The following PPARG variants were observed in gnomAD, a reference collection of about 807,000 sequenced individuals.
The protein encoded by PPARG is peroxisome proliferator activated receptor gamma.
PPARG carries 17 observed loss-of-function variants against 39.2 expected under a neutral mutation model. That is an observed-to-expected ratio of 0.43 (90% CI 0.30 to 0.65). The LOEUF (loss-of-function observed/expected upper bound fraction) is 0.65. Ranked by LOEUF, PPARG falls within the 30% of genes least tolerant of loss-of-function variation. The pLI, the probability that PPARG is intolerant of heterozygous loss-of-function variation, is 0.13. For missense variants in PPARG, 406 were observed against 585.9 expected (o/e 0.69, Z 3.17); for synonymous variants, 223 against 215.7 (o/e 1.03, Z -0.30).
At chr3:12,366,375 A>G (rs918651763) in intron 2 of PPARG, among the ~76,000 whole-genome samples, 2 of 151,454 alleles carry the variant, frequency 1.3e-5, no homozygotes, top group African/African-American at 4.9e-5. Flanking sequence ...TGTAGAAGTC[A>G]TGTCATTTGC....
At chr3:12,428,221 G>A (rs969355763) in intron 7 of PPARG, among the ~76,000 whole-genome samples, 1 of 152,244 alleles carries the variant, frequency 6.6e-6, no homozygotes, top group African/African-American at 2.4e-5. Flanking sequence ...ATCTGGACGA[G>A]ATGGAAGCTT....
chr3:12,319,378 A>G (rs552513383), intron 2 of PPARG, among the ~76,000 whole-genome samples: 6 of 150,478 alleles, frequency 4.0e-5, no homozygotes, highest in South Asian at 4.2e-4. Flanking sequence ...GAGCTTTGCA[A>G]TCATTTTGTA....
chr3:12,367,685 C>T (rs76158099), intron 2 of PPARG, among the ~76,000 whole-genome samples: 1 of 121,630 alleles, frequency 8.2e-6, no homozygotes, highest in Admixed American at 8.3e-5. Flanking sequence ...CTTGCCTCTA[C>T]AAAAAAAAAA....
chr3:12,399,509 C>A, intron 5 of PPARG: 1 of 404,802 alleles, frequency 2.5e-6, no homozygotes, highest in South Asian at 1.8e-5. Context: ...TTCCCTTGAA[C>A]CCAGGTGTTC....
At chr3:12,398,752 T>C (rs2050357616) in intron 5 of PPARG, among the ~76,000 whole-genome samples, 1 of 152,210 alleles carries the variant, frequency 6.6e-6, no homozygotes, top group South Asian at 2.1e-4. Flanking sequence ...GGGAGAATAC[T>C]GAAGAGCTCA....
intron 2 of PPARG, among the ~76,000 whole-genome samples, chr3:12,320,261 G>T: frequency 6.6e-6 from 1 of 152,298 alleles, no homozygotes; most frequent in Middle Eastern, 3.4e-3. Context: ...TGTATCGCTA[G>T]AGGAATGTGC....
intron 1 of PPARG, among the ~76,000 whole-genome samples, chr3:12,303,234 T>C (rs768605967): frequency 5.3e-5 from 8 of 151,864 alleles, no homozygotes; most frequent in Non-Finnish European, 8.8e-5. Flanking sequence ...TCTCACTCTG[T>C]CACCCAGGCT....
At chr3:12,365,721 G>C (rs2048995736) in intron 2 of PPARG, among the ~76,000 whole-genome samples, 1 of 152,034 alleles carries the variant, frequency 6.6e-6, no homozygotes, top group African/African-American at 2.4e-5. Context: ...CATTTATGTG[G>C]TCCTATTTCT....
intron 5 of PPARG, 27 bp downstream of exon 5, chr3:12,392,779 T>TCA (rs1282754740): frequency 6.2e-7 from 1 of 1,613,020 alleles, no homozygotes; most frequent in South Asian, 1.1e-5. Flanking sequence ...CACCATATAC[T>TCA]TTATTATTCT....
chr3:12,386,491 T>C (rs187793740), intron 4 of PPARG, among the ~76,000 whole-genome samples: 1 of 152,186 alleles, frequency 6.6e-6, no homozygotes, highest in East Asian at 1.9e-4. Context: ...ATGTCAGAAA[T>C]TTCCATTATA....
At chr3:12,419,149 T>C (rs1254178273) in intron 7 of PPARG, among the ~76,000 whole-genome samples, 3 of 152,074 alleles carry the variant, frequency 2.0e-5, no homozygotes, top group Non-Finnish European at 2.9e-5. Context: ...TTCATCATAT[T>C]GGTCAGGCTG....
chr3:12,350,704 A>T (rs991620623), intron 2 of PPARG, among the ~76,000 whole-genome samples: 2 of 152,102 alleles, frequency 1.3e-5, no homozygotes, highest in African/African-American at 2.4e-5. Context: ...GCGTAAGTCT[A>T]TTTTTTTCTG....
At chr3:12,392,488 C>T in intron 4 of PPARG, 126 bp from the exon 5 acceptor site, 2 of 1,036,622 alleles carry the variant, frequency 1.9e-6, no homozygotes, top group Middle Eastern at 2.0e-4. Context: ...TCTAAAGTCA[C>T]CAGTGACAGA....
At chr3:12,344,019 C>G (rs2048260135) in intron 2 of PPARG, among the ~76,000 whole-genome samples, 1 of 151,188 alleles carries the variant, frequency 6.6e-6, no homozygotes, top group Non-Finnish European at 1.5e-5. Context: ...TGCCATCACA[C>G]CCAGCTCATT....
intron 2 of PPARG, among the ~76,000 whole-genome samples, chr3:12,362,451 G>A (rs1010223523): frequency 1.3e-5 from 2 of 151,998 alleles, no homozygotes; most frequent in African/African-American, 2.4e-5. Context: ...TGCCAGAGGT[G>A]GACGTTGGAG....
chr3:12,352,248 G>A (rs1450276782), intron 2 of PPARG, among the ~76,000 whole-genome samples: 1 of 152,152 alleles, frequency 6.6e-6, no homozygotes, highest in Non-Finnish European at 1.5e-5. Context: ...CTAGCATAGT[G>A]CCTAATGCAT....
chr3:12,287,816 G>T (rs868556156), upstream of PPARG: 2 of 37,588 alleles, frequency 5.3e-5, no homozygotes, highest in African/African-American at 1.3e-4. Context: ...CCCCGCCCCC[G>T]CCCCCACCCC....
intron 2 of PPARG, among the ~76,000 whole-genome samples, chr3:12,357,177 C>T (rs937602329): frequency 6.6e-5 from 10 of 152,018 alleles, no homozygotes; most frequent in Admixed American, 2.6e-4. Flanking sequence ...GAGTCAGATC[C>T]GTCACTCCAC....
At chr3:12,335,796 A>G (rs1377505689) in intron 2 of PPARG, among the ~76,000 whole-genome samples, 2 of 152,208 alleles carry the variant, frequency 1.3e-5, no homozygotes, top group Non-Finnish European at 2.9e-5. Context: ...TGATTCCTAC[A>G]TCAATGAGCT....
Sources: gnomAD v4.1 joint callset for allele counts (sites outside exome capture counted in the v4.1 genomes callset) on GRCh38, gnomAD v4.1.1 for gene constraint, MANE v1.5 for transcripts, NCBI Gene and HGNC (gene_info 2026-07-23, HGNC 2026-07-21) for gene names.